Variants in DGKD observed in about 807,000 individuals in gnomAD.
DGKD encodes the protein DAG kinase delta.
In DGKD, 68 loss-of-function variants were observed where a neutral mutation model predicts 154.4. The ratio of observed to expected loss-of-function variants is 0.44; its 90% CI spans 0.36 to 0.54. The LOEUF (loss-of-function observed/expected upper bound fraction) is 0.54. Among genes scored for constraint, DGKD ranks in the 20% least tolerant of loss-of-function variants. DGKD has a pLI of 0.00. For synonymous variants in DGKD, 693 were observed against 638.0 expected, an observed-to-expected ratio of 1.09 and a Z score of -1.30; for missense variants, 1,343 against 1,593.6, an observed-to-expected ratio of 0.84 and a Z score of 2.68.
chr2:233,370,573 T>C lies in DGKD; in HGVS notation c.156+15899T>C, dbSNP rs559657167. On this transcript the variant is annotated intron_variant, in intron 1 of 29. Coordinates refer to ENST00000264057, the MANE Select transcript of DGKD (RefSeq NM_152879.3). The stretch of plus-strand genomic sequence containing the variant: ...GTTGTACGTTTCAGAACTTCTTCTT[T>C]TTTTTTTTTTTTTTTTGTTTGAGTG... Among the ~76,000 whole-genome samples, 50 of 142,860 alleles carry C rather than the reference T, an allele frequency of 3.5e-4. 1 individual carries two copies. In the South Asian group the frequency reaches 3.5e-3, roughly 10 times the overall value. 93.7% of individuals were successfully genotyped at this position (142,860 alleles called of 152,430 possible). A position where few individuals can be genotyped will look rare whatever the true frequency, so the allele number is the denominator to read the frequency against.
intron 3 of DGKD, chr2:233,392,274 C>G (rs544123475): frequency 3.9e-5 from 6 of 152,340 alleles, no homozygotes; most frequent in African/African-American, 1.4e-4. Context: ...ATCTACCCGC[C>G]TGAACCTTCC....
rs3754594 is a variant in DGKD at position 233,459,138 on chromosome 2, C to T, written c.2695-619C>T. On this transcript the variant is annotated intron_variant, in intron 22 of 29. Coordinates refer to ENST00000264057, the MANE Select transcript of DGKD (RefSeq NM_152879.3). This position sits in a 1 kb window ranked among gnomAD's most constrained non-coding sequence, Gnocchi z 5.7. Reference sequence around the variant, plus strand: ...GGGTGCCCCCATGGCTTATTTCTGACAGCAGCGATGGGCTGAGGGCAGTCT... The same window carrying T: ...GGGTGCCCCCATGGCTTATTTCTGATAGCAGCGATGGGCTGAGGGCAGTCT... Among the ~76,000 whole-genome samples, 7 of 152,296 alleles carry T rather than the reference C, an allele frequency of 4.6e-5. No individual in the cohort carries two copies. The East Asian group carries it at 1.4e-3, about 29-fold the overall frequency.
chr2:233,363,493 G>A, intron 1 of DGKD, among the ~76,000 whole-genome samples: 1 of 152,162 alleles, frequency 6.6e-6, no homozygotes, highest in East Asian at 1.9e-4. Context: ...ATTACAGTAA[G>A]CTAAGGTTAA....
chr2:233,458,574 T>G lies in DGKD; in HGVS notation c.2694+177T>G, dbSNP rs2063529793. 6.6e-6 allele frequency among the ~76,000 whole-genome samples: 1 copy of G among 152,124 alleles called. No individual in the cohort carries two copies. The highest frequency in any genetic ancestry group is 2.4e-5 in the African/African-American group (1 of 41,428). On this transcript the variant is annotated intron_variant, in intron 22 of 29. Transcript: ENST00000264057. This position sits in a 1 kb window ranked among gnomAD's most constrained non-coding sequence, Gnocchi z 6.6. ...CTGGGCCAGAGCCCTTTCCTTGTGC[T>G]ATGCTTGACAGTTAAATTCTCAAGA...
In DGKD at chr2:233,449,038, G is replaced by T; in HGVS notation, c.1615-65G>T. ...GGAAGTCTGGGTGAAATGGCCTGAG[G>T]TTCCCTGCCTGCAGACCCTGTTCTC... On this transcript the variant is annotated intron_variant, in intron 14 of 29. Transcript: ENST00000264057. This position sits in a 1 kb window ranked among gnomAD's most constrained non-coding sequence, Gnocchi z 5.3. 1 of 1,512,384 alleles carries T rather than the reference G, an allele frequency of 6.6e-7. No homozygotes were observed. The highest frequency in any genetic ancestry group is 8.9e-7 in the Non-Finnish European group (1 of 1,128,944). The allele number at this position is 1,512,384 out of a possible 1,614,324, so 93.7% of individuals were successfully genotyped here. A position where few individuals can be genotyped will look rare whatever the true frequency, so the allele number is the denominator to read the frequency against.
chr2:233,447,752 G>T, intron 12 of DGKD: 1 of 1,114,848 alleles, frequency 9.0e-7, no homozygotes, highest in Non-Finnish European at 1.1e-6. Context: ...ACCCAAACCT[G>T]GAGCCGACCC....
At chr2:233,370,958 T>C (rs925979664) in intron 1 of DGKD, among the ~76,000 whole-genome samples, 1 of 151,966 alleles carries the variant, frequency 6.6e-6, no homozygotes. Flanking sequence ...TGCTGTGTTA[T>C]CCAGGTTGGT....
chr2:233,469,353 G>C lies in DGKD; in HGVS notation c.3556-18G>C. ...GGCTGTCTTCTCGGCATCCATGGCG[G>C]TGTCTTCTCTGTTGCAGGACCTGGG... On this transcript the variant is annotated intron_variant, in intron 29 of 29. Coordinates refer to ENST00000264057, the MANE Select transcript of DGKD (RefSeq NM_152879.3). 1.2e-6 allele frequency: 2 copies of C among 1,601,988 alleles called. No homozygotes were observed. Among genetic ancestry groups the C allele is most frequent in the Non-Finnish European group, 1.7e-6 (2 of 1,173,868 alleles).
intron 1 of DGKD, among the ~76,000 whole-genome samples, chr2:233,380,944 G>A (rs1403642365): frequency 6.6e-6 from 1 of 152,168 alleles, no homozygotes; most frequent in Non-Finnish European, 1.5e-5. Context: ...AATAATCCTG[G>A]TGGCAGTGCA....
intron 18 of DGKD, among the ~76,000 whole-genome samples, chr2:233,453,744 T>A (rs1398823295): frequency 2.0e-5 from 3 of 151,834 alleles, no homozygotes; most frequent in African/African-American, 7.3e-5. Flanking sequence ...GACCCTGGGG[T>A]TGGGGAGGGT....
chr2:233,357,537 C>CTTTTTTTTTTTT (rs374813757), intron 1 of DGKD, among the ~76,000 whole-genome samples: 3 of 129,224 alleles, frequency 2.3e-5, no homozygotes, highest in Non-Finnish European at 4.9e-5. Flanking sequence ...TTCTTTCTTT[C>CTTTTTTTTTTTT]TTTTTTTTTT....
At chr2:233,359,001 G>A (rs1215844722) in intron 1 of DGKD, among the ~76,000 whole-genome samples, 2 of 152,314 alleles carry the variant, frequency 1.3e-5, no homozygotes, top group Admixed American at 1.3e-4. Context: ...ATTCCCACCA[G>A]CTGTGTATGA....
chr2:233,428,867 G>GTT (rs10628027), intron 3 of DGKD, among the ~76,000 whole-genome samples: 21 of 145,530 alleles, frequency 1.4e-4, no homozygotes, highest in African/African-American at 5.1e-4. Context: ...CAAATAAGAG[G>GTT]TTTTTTTTTG....
intron 1 of DGKD, among the ~76,000 whole-genome samples, chr2:233,375,259 C>G (rs1014016433): frequency 6.6e-6 from 1 of 151,886 alleles, no homozygotes; most frequent in Non-Finnish European, 1.5e-5. Context: ...CCACCGCGCT[C>G]CAGCCTGGGC....
At chr2:233,436,760 G>T (rs13406655) in intron 7 of DGKD, among the ~76,000 whole-genome samples, 17,707 of 152,296 alleles carry the variant, frequency 0.12, 1,260 homozygotes, top group African/African-American at 0.21. Context: ...CGCCTCTGTG[G>T]TGTGGAAGCA....
At chr2:233,396,449 C>CCAAAGTTTCAAT (rs71058552) in intron 3 of DGKD, among the ~76,000 whole-genome samples, 95,574 of 151,790 alleles carry the variant, frequency 0.63, 30,821 homozygotes, top group African/African-American at 0.79. Flanking sequence ...ATGCTGAGTG[C>CCAAAGTTTCAAT]GGTGGGTAGA....
intron 1 of DGKD, among the ~76,000 whole-genome samples, chr2:233,368,981 G>A (rs961003351): frequency 2.0e-5 from 3 of 152,218 alleles, no homozygotes; most frequent in Admixed American, 6.5e-5. Context: ...GTCCTGGGAC[G>A]AGAGTGCCTA....
intron 1 of DGKD, among the ~76,000 whole-genome samples, chr2:233,376,158 T>C (rs1702564327): frequency 6.6e-6 from 1 of 152,144 alleles, no homozygotes; most frequent in African/African-American, 2.4e-5. Context: ...GTTTCGCCTT[T>C]GGTGTGTAGT....
intron 1 of DGKD, among the ~76,000 whole-genome samples, chr2:233,370,096 C>T (rs1287852865): frequency 1.4e-4 from 22 of 152,112 alleles, no homozygotes; most frequent in Non-Finnish European, 8.8e-5. Context: ...TCTGTATCCC[C>T]TACATGGAAA....
Sources: gnomAD v4.1 joint callset for allele counts (sites outside exome capture counted in the v4.1 genomes callset) on GRCh38, gnomAD v4.1.1 for gene constraint, Gnocchi (gnomAD v3.1) non-coding constraint, MANE v1.5 for transcripts, NCBI Gene and HGNC (gene_info 2026-07-23, HGNC 2026-07-21) for gene names.